Variants in ITGA8 observed in about 807,000 individuals in gnomAD.
ITGA8 encodes the protein integrin alpha-8.
In ITGA8, 91 loss-of-function variants were observed where a neutral mutation model predicts 142.3. The observed-to-expected ratio is 0.64, with a 90% confidence interval of 0.54 to 0.76. The LOEUF is 0.76. ITGA8 is among the 30% of genes least tolerant of loss of function. The pLI is 0.00. For missense variants in ITGA8, 1,406 were observed against 1,327.7 expected, an observed-to-expected ratio of 1.06 and a Z score of -0.92; for synonymous variants, 505 against 485.2, an observed-to-expected ratio of 1.04 and a Z score of -0.54.
At chr10:15,602,280 C>G (rs189223829) in intron 20 of ITGA8, among the ~76,000 whole-genome samples, 2 of 152,244 alleles carry the variant, frequency 1.3e-5, no homozygotes, top group Non-Finnish European at 2.9e-5. Context: ...CGTCATTTTT[C>G]TTTCTGTTTT....
At chr10:15,572,995 A>C (rs1834213582) in intron 24 of ITGA8, among the ~76,000 whole-genome samples, 2 of 152,218 alleles carry the variant, frequency 1.3e-5, no homozygotes, top group Admixed American at 1.3e-4. Context: ...AGGACACAAA[A>C]TTGTTTGCCC....
chr10:15,719,815 C>CCGCAG lies in ITGA8; in HGVS notation c.-45_-44insCTGCG. The CCGCAG allele has an allele frequency of 7.7e-7, 1 of 1,296,446 alleles. No individual in the cohort carries two copies. The highest frequency in any genetic ancestry group is 1.6e-5 in the African/African-American group (1 of 64,304). The allele number at this position is 1,296,446 out of a possible 1,614,324, so 80.3% of individuals were successfully genotyped here. On this transcript the variant is annotated 5_prime_UTR_variant, in exon 1 of 30. Coordinates refer to ENST00000378076, the MANE Select transcript of ITGA8 (RefSeq NM_003638.3). ...GTGGCTGCTACCCAGGAGCGCGAGC[C>CCGCAG]GAGGACCCCTGCGGGGCAAGGGGGG...
chr10:15,660,991 T>C lies in ITGA8; in HGVS notation c.848-69A>G, dbSNP rs932364360. On this transcript the variant is annotated intron_variant, in intron 8 of 29. Transcript: ENST00000378076. ...CACAAACACACACACACACGCCATA[T>C]ACTAAAAGTGGTAAAGACAGTGCTT... 3.2e-5 allele frequency: 43 copies of C among 1,338,462 alleles called. No homozygotes were observed. The East Asian group carries it at 3.2e-4, about 10-fold the overall frequency. The allele number at this position is 1,338,462 out of a possible 1,614,324, so 82.9% of individuals were successfully genotyped here.
At chr10:15,580,933 G>C (rs1320152912) in intron 23 of ITGA8, among the ~76,000 whole-genome samples, 1 of 152,040 alleles carries the variant, frequency 6.6e-6, no homozygotes, top group Non-Finnish European at 1.5e-5. Flanking sequence ...ATGCAATAAG[G>C]GAAGAAAAAA....
intron 28 of ITGA8, among the ~76,000 whole-genome samples, chr10:15,526,618 G>T (rs887026703): frequency 1.3e-5 from 2 of 152,316 alleles, no homozygotes; most frequent in South Asian, 4.1e-4. Flanking sequence ...TGAGTAACTG[G>T]AGTACTTAAA....
At chr10:15,525,332 T>G (rs1266784701) in intron 28 of ITGA8, among the ~76,000 whole-genome samples, 1 of 151,982 alleles carries the variant, frequency 6.6e-6, no homozygotes, top group Non-Finnish European at 1.5e-5. Flanking sequence ...ACATAAAATG[T>G]TCTAATAGTC....
At chr10:15,586,533 C>G (rs1271629694) in intron 23 of ITGA8, 51 bp downstream of exon 23, 5 of 1,071,764 alleles carry the variant, frequency 4.7e-6, no homozygotes, top group Non-Finnish European at 7.1e-6. Flanking sequence ...AGTATTTTAT[C>G]TTAACTCTAC....
chr10:15,689,371 G>A (rs1173962890), intron 2 of ITGA8, among the ~76,000 whole-genome samples: 3 of 152,104 alleles, frequency 2.0e-5, no homozygotes, highest in Admixed American at 6.5e-5. Context: ...TAGAAACTCC[G>A]GATGGCCGCA....
chr10:15,705,008 T>TTTG (rs1246655701), intron 2 of ITGA8, among the ~76,000 whole-genome samples: 2 of 151,546 alleles, frequency 1.3e-5, no homozygotes, highest in Non-Finnish European at 2.9e-5. Context: ...GTTGTTGTTG[T>TTTG]TTGTTTTTTT....
chr10:15,645,337 T>A (rs1487568500), intron 12 of ITGA8, among the ~76,000 whole-genome samples: 1 of 152,152 alleles, frequency 6.6e-6, no homozygotes, highest in East Asian at 1.9e-4. Context: ...TCATTTAGAA[T>A]GCTTCTTTTA....
chr10:15,523,231 G>C (rs1833102468), intron 28 of ITGA8, among the ~76,000 whole-genome samples: 1 of 152,158 alleles, frequency 6.6e-6, no homozygotes, highest in Admixed American at 6.5e-5. Context: ...GGTTATTGCA[G>C]GTTTTGATGT....
intron 13 of ITGA8, among the ~76,000 whole-genome samples, chr10:15,618,810 C>G (rs940656145): frequency 1.3e-5 from 2 of 152,214 alleles, no homozygotes; most frequent in Non-Finnish European, 2.9e-5. Context: ...AGCTTGCAGA[C>G]AGCCTATTGT....
rs986852003 is a variant in ITGA8 at position 15,516,635 on chromosome 10, C to A, written c.*523G>T. 2 of 152,370 alleles carry A rather than the reference C, an allele frequency of 1.3e-5. No individual in the cohort carries two copies. Among genetic ancestry groups the A allele is most frequent in the East Asian group, 3.9e-4 (2 of 5,192 alleles). The allele number at this position is 152,370 out of a possible 1,614,324, so 9.4% of individuals were successfully genotyped here. On this transcript the variant is annotated 3_prime_UTR_variant, in exon 30 of 30. Coordinates refer to ENST00000378076, the MANE Select transcript of ITGA8 (RefSeq NM_003638.3). ...TTCAAAAGTACTTTCACAGTACCAA[C>A]AACATATTGCTTGTCTCCCTGAGCC...
intron 28 of ITGA8, among the ~76,000 whole-genome samples, chr10:15,527,017 T>A (rs1050761940): frequency 5.3e-5 from 8 of 152,220 alleles, no homozygotes; most frequent in African/African-American, 1.9e-4. Context: ...TGGTAATTAA[T>A]GTTGACGTCT....
chr10:15,635,120 C>T (rs1833751325), intron 13 of ITGA8, among the ~76,000 whole-genome samples: 1 of 150,234 alleles, frequency 6.7e-6, no homozygotes, highest in Non-Finnish European at 1.5e-5. Context: ...GATTCTCCTG[C>T]CTCAGTCTCC....
intron 13 of ITGA8, among the ~76,000 whole-genome samples, chr10:15,637,017 C>T (rs1288501454): frequency 1.3e-5 from 2 of 152,134 alleles, no homozygotes; most frequent in East Asian, 1.9e-4. Flanking sequence ...TGGTGGCACA[C>T]GCCCATAATC....
chr10:15,673,588 AAGCAT>A (rs1834570764), intron 6 of ITGA8, among the ~76,000 whole-genome samples: 2 of 152,230 alleles, frequency 1.3e-5, no homozygotes, highest in South Asian at 4.1e-4. Flanking sequence ...TGCTCTTGCA[AAGCAT>A]AGATACTGTA....
chr10:15,540,302 C>G (rs1292971387), intron 27 of ITGA8, among the ~76,000 whole-genome samples: 1 of 152,182 alleles, frequency 6.6e-6, no homozygotes, highest in Non-Finnish European at 1.5e-5. Flanking sequence ...CCCACCTTCC[C>G]TTCCCAGCCT....
intron 21 of ITGA8, among the ~76,000 whole-genome samples, chr10:15,595,198 A>G (rs758953581): frequency 2.0e-5 from 3 of 152,212 alleles, no homozygotes; most frequent in Non-Finnish European, 4.4e-5. Context: ...TTAAGTTAAA[A>G]TACCAAGTCA....
Sources: allele counts gnomAD v4.1 joint callset (sites outside exome capture counted in the v4.1 genomes callset), GRCh38; gene constraint gnomAD v4.1.1; transcripts MANE v1.5; gene names NCBI Gene and HGNC (gene_info 2026-07-23, HGNC 2026-07-21).